PRKN: variants seen among roughly 807,000 people sequenced by gnomAD.
The protein encoded by PRKN is E3 ubiquitin-protein ligase parkin.
Under a neutral mutation model 59.5 loss-of-function variants are expected in PRKN, and 56 were observed. That is an observed-to-expected ratio of 0.94 (90% CI 0.76 to 1.18). PRKN has a LOEUF of 1.18. Among genes scored for constraint, PRKN ranks in the 50% most tolerant of loss-of-function variants. PRKN has a pLI of 0.00. For synonymous variants in PRKN, 250 were observed against 222.1 expected, an observed-to-expected ratio of 1.13 and a Z score of -1.12; for missense variants, 657 against 596.4, an observed-to-expected ratio of 1.10 and a Z score of -1.06.
chr6:162,079,103 C>T (rs144260268), intron 4 of PRKN, among the ~76,000 whole-genome samples: 4 of 152,160 alleles, frequency 2.6e-5, no homozygotes, highest in Admixed American at 6.5e-5. Flanking sequence ...GCTCAGCACT[C>T]GAGCCTTTTC....
chr6:161,978,130 A>C (rs1038806383), intron 5 of PRKN, among the ~76,000 whole-genome samples: 47 of 151,720 alleles, frequency 3.1e-4, no homozygotes, highest in Admixed American at 3.9e-4. Flanking sequence ...GCTCACTGCA[A>C]CCTCTGCCTC....
chr6:161,829,158 G>A (rs1265863586), intron 6 of PRKN, among the ~76,000 whole-genome samples: 7 of 152,148 alleles, frequency 4.6e-5, no homozygotes, highest in South Asian at 2.1e-4. Flanking sequence ...CCTGAGAGGC[G>A]GAGGTTGCAG....
chr6:162,584,596 G>A (rs1780932990), intron 1 of PRKN, among the ~76,000 whole-genome samples: 2 of 152,074 alleles, frequency 1.3e-5, no homozygotes, highest in African/African-American at 4.8e-5. Context: ...ATTTATGCTT[G>A]TATATCATGA....
At chr6:161,963,169 C>T (rs1780449053) in intron 6 of PRKN, among the ~76,000 whole-genome samples, 1 of 151,968 alleles carries the variant, frequency 6.6e-6, no homozygotes, top group South Asian at 2.1e-4. Context: ...AACAAACAAA[C>T]AAACAAACAA....
At chr6:162,371,373 T>C (rs1274363688) in intron 2 of PRKN, among the ~76,000 whole-genome samples, 3 of 152,172 alleles carry the variant, frequency 2.0e-5, no homozygotes, top group Non-Finnish European at 2.9e-5. Flanking sequence ...GCCGCCCTCA[T>C]GCAGCTTTGC....
chr6:162,603,365 C>T (rs955777062), intron 1 of PRKN, among the ~76,000 whole-genome samples: 2 of 152,136 alleles, frequency 1.3e-5, no homozygotes, highest in Non-Finnish European at 1.5e-5. Flanking sequence ...TTCCCCTAAG[C>T]CAGAGGTTGG....
chr6:161,447,385 G>C lies in PRKN; in HGVS notation c.1084-60508C>G, dbSNP rs1186711923. Among the ~76,000 whole-genome samples the C allele has an allele frequency of 6.6e-6, 1 of 152,176 alleles. No homozygotes were observed. Among genetic ancestry groups the C allele is most frequent in the Non-Finnish European group, 1.5e-5 (1 of 68,024 alleles). The stretch of plus-strand genomic sequence containing the variant: ...CTCATTAGAAATGAATTTACATTTT[G>C]ATTTAGTTATAAATAACTTTTCTTC... On this transcript the variant is annotated intron_variant, in intron 9 of 11. Transcript: ENST00000366898. The surrounding 1 kb of genome is among the most constrained non-coding windows in gnomAD (Gnocchi z 4.1).
At chr6:162,595,652 TA>T (rs1466077836) in intron 1 of PRKN, among the ~76,000 whole-genome samples, 5 of 152,190 alleles carry the variant, frequency 3.3e-5, no homozygotes, top group Non-Finnish European at 7.3e-5. Context: ...ATTTTAGTGT[TA>T]TTTTTAAATA....
At chr6:161,776,190 A>C (rs1789917660) in intron 7 of PRKN, among the ~76,000 whole-genome samples, 1 of 152,202 alleles carries the variant, frequency 6.6e-6, no homozygotes, top group South Asian at 2.1e-4. Context: ...CAACAAATCA[A>C]CCTAAATACA....
chr6:161,765,952 G>A (rs1383489515), intron 7 of PRKN, among the ~76,000 whole-genome samples: 2 of 152,138 alleles, frequency 1.3e-5, no homozygotes, highest in Non-Finnish European at 2.9e-5. Flanking sequence ...TGAAGGCAAA[G>A]TGTCCCAAAT....
At chr6:162,622,625 T>A (rs148276079) in intron 1 of PRKN, among the ~76,000 whole-genome samples, 29 of 152,348 alleles carry the variant, frequency 1.9e-4, no homozygotes, top group African/African-American at 7.0e-4. Context: ...ATCTGATTGA[T>A]GATTCTTGGA....
intron 1 of PRKN, among the ~76,000 whole-genome samples, chr6:162,590,062 C>T (rs903084855): frequency 6.7e-5 from 10 of 150,146 alleles, no homozygotes; most frequent in East Asian, 1.9e-4. Context: ...ATAATTTTCA[C>T]GTAAGATGTG....
intron 2 of PRKN, among the ~76,000 whole-genome samples, chr6:162,409,953 A>T (rs1788269471): frequency 6.6e-6 from 1 of 152,352 alleles, no homozygotes. Flanking sequence ...AAGAAATAAG[A>T]TAAGCTGATT....
rs1426312145 is a variant in PRKN at position 161,407,335 on chromosome 6, G to T, written c.1084-20458C>A. Among the ~76,000 whole-genome samples the T allele has an allele frequency of 6.6e-6, 1 of 151,946 alleles. No homozygotes were observed. Among genetic ancestry groups the T allele is most frequent in the Non-Finnish European group, 1.5e-5 (1 of 67,988 alleles). ...TGGCAAAGCTGAAAAGGGAGGGGCT[G>T]GGGAAGGGGGCAGCTGCACTCGGTG... On this transcript the variant is annotated intron_variant, in intron 9 of 11. Transcript: ENST00000366898. The surrounding 1 kb of genome is among the most constrained non-coding windows in gnomAD (Gnocchi z 4.9).
chr6:162,369,626 G>T (rs148950552), intron 2 of PRKN, among the ~76,000 whole-genome samples: 1 of 152,232 alleles, frequency 6.6e-6, no homozygotes, highest in East Asian at 1.9e-4. Flanking sequence ...TTCAAATTAA[G>T]TCCAACAGTC....
At chr6:161,478,599 C>T (rs1428462314) in intron 9 of PRKN, among the ~76,000 whole-genome samples, 1 of 152,206 alleles carries the variant, frequency 6.6e-6, no homozygotes, top group Non-Finnish European at 1.5e-5. Flanking sequence ...AATCCCACCA[C>T]TTTGGGAGGC....
intron 2 of PRKN, among the ~76,000 whole-genome samples, chr6:162,304,547 T>TATCTATC: frequency 9.3e-6 from 1 of 107,028 alleles, no homozygotes; most frequent in Non-Finnish European, 1.8e-5. Context: ...ATCTATCTAT[T>TATCTATC]TATCCATCTG....
intron 7 of PRKN, among the ~76,000 whole-genome samples, chr6:161,763,058 A>C (rs781119916): frequency 2.0e-5 from 3 of 152,212 alleles, no homozygotes; most frequent in Non-Finnish European, 4.4e-5. Flanking sequence ...CTAGTGGCCT[A>C]AGGAGAGTCA....
intron 4 of PRKN, among the ~76,000 whole-genome samples, chr6:162,177,611 T>C (rs1783599401): frequency 6.6e-6 from 1 of 152,030 alleles, no homozygotes; most frequent in African/African-American, 2.4e-5. Context: ...CAATTACTAA[T>C]GCCTATCATT....
Sources: gnomAD v4.1 joint callset for allele counts (sites outside exome capture counted in the v4.1 genomes callset) on GRCh38, gnomAD v4.1.1 for gene constraint, Gnocchi (gnomAD v3.1) non-coding constraint, MANE v1.5 for transcripts, NCBI Gene and HGNC (gene_info 2026-07-23, HGNC 2026-07-21) for gene names.